Variants in RANBP2 observed in about 807,000 individuals in gnomAD.
The protein encoded by RANBP2 is RAN binding protein 2.
A neutral mutation model predicts 303.6 loss-of-function variants in RANBP2; 57 were observed. The ratio of observed to expected loss-of-function variants is 0.19; its 90% CI spans 0.15 to 0.23. RANBP2 has a LOEUF of 0.23. Ranked by LOEUF, RANBP2 falls within the 10% of genes least tolerant of loss-of-function variation. The pLI is 1.00. For synonymous variants in RANBP2, 1,167 were observed against 1,301.5 expected (o/e 0.90, Z 2.23); for missense variants, 3,138 against 3,780.8 (o/e 0.83, Z 4.46).
the RANBP2 span, among the ~76,000 whole-genome samples, chr2:109,761,629 C>T: frequency 2.7e-5 from 4 of 146,382 alleles, no homozygotes; most frequent in East Asian, 6.6e-4. Context: ...CTGTCTTATT[C>T]CCCCTTCTTT....
chr2:109,493,689 C>T, the RANBP2 span, among the ~76,000 whole-genome samples: 1 of 151,832 alleles, frequency 6.6e-6, no homozygotes, highest in Non-Finnish European at 1.5e-5. Flanking sequence ...ACACCATACA[C>T]ACACCACACA....
the RANBP2 span, chr2:108,906,170 C>T: frequency 8.6e-6 from 7 of 816,758 alleles, no homozygotes; most frequent in South Asian, 4.3e-5. Context: ...TAGTTTCCAG[C>T]GGCCATTCTG....
the RANBP2 span, among the ~76,000 whole-genome samples, chr2:109,581,341 G>A: frequency 6.6e-6 from 1 of 151,956 alleles, no homozygotes; most frequent in South Asian, 2.1e-4. Flanking sequence ...GGAGGCTGAG[G>A]CTTGAGAATC....
At chr2:109,154,765 C>CA in the RANBP2 span, among the ~76,000 whole-genome samples, 1 of 152,156 alleles carries the variant, frequency 6.6e-6, no homozygotes, top group Non-Finnish European at 1.5e-5. Flanking sequence ...TTAGAAGTCT[C>CA]AGAGTGTATG....
the RANBP2 span, among the ~76,000 whole-genome samples, chr2:108,879,824 G>A: frequency 6.6e-6 from 1 of 152,082 alleles, no homozygotes; most frequent in Non-Finnish European, 1.5e-5. Context: ...CCATATTAGA[G>A]TTGTGACTAG....
At chr2:109,263,053 C>T in the RANBP2 span, among the ~76,000 whole-genome samples, 8 of 152,028 alleles carry the variant, frequency 5.3e-5, no homozygotes, top group Non-Finnish European at 1.2e-4. Context: ...ACCATATTGG[C>T]CAGGCTGGTC....
chr2:109,654,436 AT>A, the RANBP2 span, among the ~76,000 whole-genome samples: 4 of 151,786 alleles, frequency 2.6e-5, no homozygotes, highest in Non-Finnish European at 4.4e-5. Flanking sequence ...TGAGCTTAGC[AT>A]TTTTTTCCCT....
At chr2:109,548,700 C>T in the RANBP2 span, among the ~76,000 whole-genome samples, 10 of 133,142 alleles carry the variant, frequency 7.5e-5, no homozygotes, top group Admixed American at 1.7e-4. Context: ...TGCCTGAAGC[C>T]GGGAGGCCGA....
At chr2:109,174,869 C>G in the RANBP2 span, among the ~76,000 whole-genome samples, 1 of 152,222 alleles carries the variant, frequency 6.6e-6, no homozygotes, top group African/African-American at 2.4e-5. Flanking sequence ...CTTTCTGCCC[C>G]TCTGTCAACA....
At chr2:108,773,718 C>G (rs1677678385) in intron 23 of RANBP2, among the ~76,000 whole-genome samples, 1 of 151,626 alleles carries the variant, frequency 6.6e-6, no homozygotes, top group Non-Finnish European at 1.5e-5. Flanking sequence ...GCGATCTCTG[C>G]TCGCTGCAAC....
the RANBP2 span, among the ~76,000 whole-genome samples, chr2:108,979,103 C>T: frequency 1.8e-4 from 28 of 152,200 alleles, no homozygotes; most frequent in Admixed American, 1.4e-3. Flanking sequence ...ACTGAAAATT[C>T]GGAAACGTGG....
In RANBP2 at chr2:108,782,225, G is replaced by A. The variant is rs1678302047; in HGVS notation, c.8858G>A (p.Arg2953His). Residue 2953 changes from arginine to histidine, a missense_variant, in exon 27 of 29, where the codon CGC becomes CAC. Coordinates refer to ENST00000283195, the MANE Select transcript of RANBP2 (RefSeq NM_006267.5). ...WDRDVSQWKERGVGDIKILWH... is the reference protein window; with the variant it reads ...WDRDVSQWKEHGVGDIKILWH... ...CGGGATGTCAGTCAGTGGAAGGAGCGCGGTGTTGGAGATATAAAGATTCTT... is the reference window on the plus strand; with the variant it reads ...CGGGATGTCAGTCAGTGGAAGGAGCACGGTGTTGGAGATATAAAGATTCTT... 1.2e-6 allele frequency: 2 copies of A among 1,614,180 alleles called. No individual in the cohort carries two copies. The highest frequency in any genetic ancestry group is 1.7e-6 in the Non-Finnish European group (2 of 1,180,026).
the RANBP2 span, among the ~76,000 whole-genome samples, chr2:109,675,074 T>A: frequency 6.6e-6 from 1 of 152,086 alleles, no homozygotes; most frequent in African/African-American, 2.4e-5. Context: ...GACTCAAGGA[T>A]CCTCCCACCT....
chr2:109,266,988 T>C, the RANBP2 span, among the ~76,000 whole-genome samples: 3 of 152,182 alleles, frequency 2.0e-5, no homozygotes, highest in Admixed American at 2.0e-4. Context: ...CAAATCTGTG[T>C]CTTTATAAGA....
chr2:109,078,128 TATA>T, the RANBP2 span, among the ~76,000 whole-genome samples: 9 of 113,340 alleles, frequency 7.9e-5, no homozygotes, highest in Non-Finnish European at 1.5e-4. Flanking sequence ...AGCGTGTATA[TATA>T]TATAGCGTGT....
intron 6 of RANBP2, among the ~76,000 whole-genome samples, chr2:108,737,287 G>A (rs13382218): frequency 0.07 from 10,496 of 150,782 alleles, 1,242 homozygotes; most frequent in African/African-American, 0.24. Context: ...TTTTGTTAAG[G>A]ACATCGAAGA....
chr2:109,442,744 A>G, the RANBP2 span, among the ~76,000 whole-genome samples: 4 of 152,232 alleles, frequency 2.6e-5, no homozygotes, highest in African/African-American at 7.2e-5. Context: ...AAAGGGAATA[A>G]AAAGGAATCA....
At chr2:109,455,160 G>C in the RANBP2 span, among the ~76,000 whole-genome samples, 3 of 152,126 alleles carry the variant, frequency 2.0e-5, no homozygotes, top group South Asian at 6.2e-4. Flanking sequence ...AGTGCTGACT[G>C]TGGTGGCCTC....
the RANBP2 span, among the ~76,000 whole-genome samples, chr2:108,873,078 TTTTG>T: frequency 9.2e-5 from 14 of 152,168 alleles, no homozygotes; most frequent in Non-Finnish European, 1.8e-4. Flanking sequence ...TTGATTTGTT[TTTTG>T]TTTTTTTAAT....
Sources: gnomAD v4.1 joint callset for allele counts (sites outside exome capture counted in the v4.1 genomes callset) on GRCh38, gnomAD v4.1.1 for gene constraint, MANE v1.5 for transcripts, NCBI Gene and HGNC (gene_info 2026-07-23, HGNC 2026-07-21) for gene names.